The following UBL3 variants were observed in gnomAD, a reference collection of about 807,000 sequenced individuals.
UBL3 encodes the protein ubiquitin like 3, also known as ubiquitin-like protein 3.
In UBL3, 6 loss-of-function variants were observed where a neutral mutation model predicts 18.4. That is an observed-to-expected ratio of 0.33 (90% CI 0.18 to 0.64). UBL3 has a LOEUF of 0.64. UBL3 is among the 30% of genes least tolerant of loss of function. The pLI is 0.76. For synonymous variants in UBL3, 49 were observed against 46.6 expected (o/e 1.05, Z -0.21); for missense variants, 109 against 142.9 (o/e 0.76, Z 1.21).
At chr13:29,792,236 AACC>A (rs559812205) in intron 1 of UBL3, among the ~76,000 whole-genome samples, 230 of 152,330 alleles carry the variant, frequency 1.5e-3, no homozygotes, top group African/African-American at 5.1e-3. Context: ...CTTCGTGTAT[AACC>A]ACCAAGTGGA....
At chr13:29,784,540 T>A (rs115517433) in intron 1 of UBL3, among the ~76,000 whole-genome samples, 1 of 151,268 alleles carries the variant, frequency 6.6e-6, no homozygotes, top group Non-Finnish European at 1.5e-5. Flanking sequence ...GTGGGAAAGG[T>A]ATTAGACCCT....
intron 1 of UBL3, among the ~76,000 whole-genome samples, chr13:29,841,928 G>T (rs1879110781): frequency 6.6e-6 from 1 of 152,076 alleles, no homozygotes; most frequent in Non-Finnish European, 1.5e-5. Context: ...GCTCCAAAAT[G>T]ACCAACAATC....
chr13:29,840,738 G>C (rs955780264), intron 1 of UBL3, among the ~76,000 whole-genome samples: 1 of 152,106 alleles, frequency 6.6e-6, no homozygotes, highest in African/African-American at 2.4e-5. Flanking sequence ...TAAGAGTTTT[G>C]TCCTAAGGGA....
chr13:29,768,284 C>A (rs1424484029), intron 3 of UBL3, among the ~76,000 whole-genome samples: 1 of 152,012 alleles, frequency 6.6e-6, no homozygotes, highest in African/African-American at 2.4e-5. Context: ...CATTTTTTCA[C>A]TCATAAATTT....
intron 1 of UBL3, among the ~76,000 whole-genome samples, chr13:29,789,832 T>C (rs1456188446): frequency 6.6e-6 from 1 of 152,244 alleles, no homozygotes; most frequent in African/African-American, 2.4e-5. Flanking sequence ...TAAAATAATC[T>C]ACTTATTGTT....
intron 1 of UBL3, among the ~76,000 whole-genome samples, chr13:29,801,527 C>T (rs1877765732): frequency 6.6e-6 from 1 of 152,132 alleles, no homozygotes; most frequent in Non-Finnish European, 1.5e-5. Flanking sequence ...CAAGCTTGGG[C>T]CAGCAGTGCA....
chr13:29,842,849 C>G (rs956738389), intron 1 of UBL3, among the ~76,000 whole-genome samples: 1 of 152,152 alleles, frequency 6.6e-6, no homozygotes, highest in Non-Finnish European at 1.5e-5. Flanking sequence ...TTCTAAGCAA[C>G]CAAAACAGAT....
At position 29,849,438 on chromosome 13, in the gene UBL3, C is replaced by T. The variant is rs141771659; in HGVS notation, c.27+74G>A. 379 of 1,604,478 alleles carry T rather than the reference C, an allele frequency of 2.4e-4. 2 individuals carry two copies. In the East Asian group the frequency reaches 6.1e-3, roughly 26 times the overall value. On this transcript the variant is annotated intron_variant, in intron 1 of 4. Coordinates refer to ENST00000380680, the MANE Select transcript of UBL3 (RefSeq NM_007106.4). ...CAGTCCCCAGCAAATCTTCGCCCCA[C>T]GCCTGCCGTCTTTCCGATTAAATAA...
intron 1 of UBL3, among the ~76,000 whole-genome samples, chr13:29,832,756 T>C (rs1002334304): frequency 3.9e-5 from 6 of 152,226 alleles, no homozygotes; most frequent in Non-Finnish European, 7.3e-5. Flanking sequence ...CTCTGGCTAC[T>C]TTTCCTTGGT....
intron 1 of UBL3, among the ~76,000 whole-genome samples, chr13:29,792,221 G>A (rs1451633128): frequency 3.9e-5 from 6 of 152,064 alleles, no homozygotes; most frequent in Non-Finnish European, 8.8e-5. Flanking sequence ...ACATGTAACT[G>A]GACACTTCGT....
rs892601893 is a variant in UBL3 at position 29,837,519 on chromosome 13, C to T, written c.27+11993G>A. On this transcript the variant is annotated intron_variant, in intron 1 of 4. Coordinates refer to ENST00000380680, the MANE Select transcript of UBL3 (RefSeq NM_007106.4). Reference sequence around the variant, plus strand: ...AAACAGTGACATGACCTAACATACACGTAATTGTAGTCCCATAAGGAAAGA... The same window carrying T: ...AAACAGTGACATGACCTAACATACATGTAATTGTAGTCCCATAAGGAAAGA... 2.0e-5 allele frequency among the ~76,000 whole-genome samples: 3 copies of T among 152,218 alleles called. No individual in the cohort carries two copies. In the East Asian group the frequency reaches 5.8e-4, roughly 29 times the overall value.
At chr13:29,784,372 TCTC>T (rs1565991184) in intron 1 of UBL3, among the ~76,000 whole-genome samples, 1 of 151,758 alleles carries the variant, frequency 6.6e-6, no homozygotes, top group Non-Finnish European at 1.5e-5. Flanking sequence ...AATTCCCACT[TCTC>T]CTCTGAGAAT....
chr13:29,834,109 C>T (rs1326898633), intron 1 of UBL3, among the ~76,000 whole-genome samples: 1 of 151,564 alleles, frequency 6.6e-6, no homozygotes, highest in Admixed American at 6.6e-5. Flanking sequence ...ATCACTTGAA[C>T]CCAGGAGCTT....
intron 1 of UBL3, among the ~76,000 whole-genome samples, chr13:29,827,184 G>A (rs966983799): frequency 1.3e-5 from 2 of 152,212 alleles, no homozygotes; most frequent in Non-Finnish European, 2.9e-5. Flanking sequence ...GGAGAGTTCT[G>A]TAGATGTCTA....
chr13:29,837,193 C>T (rs992840265), intron 1 of UBL3, among the ~76,000 whole-genome samples: 1 of 152,134 alleles, frequency 6.6e-6, no homozygotes, highest in African/African-American at 2.4e-5. Flanking sequence ...AAAACATTGC[C>T]AGGCACCCAA....
intron 1 of UBL3, among the ~76,000 whole-genome samples, chr13:29,835,182 A>C (rs190472721): frequency 0.026 from 2,274 of 87,144 alleles, 186 homozygotes; most frequent in African/African-American, 0.075. Context: ...ATATATATAT[A>C]TATCTCCACC....
intron 1 of UBL3, among the ~76,000 whole-genome samples, chr13:29,835,111 T>TATATAAATATATATAA (rs1878900156): frequency 3.7e-4 from 9 of 24,216 alleles, no homozygotes; most frequent in Admixed American, 6.1e-4. Context: ...TATATAAATA[T>TATATAAATATATATAA]ATATATATAT....
At position 29,772,179 on chromosome 13, in the gene UBL3, G is replaced by A; in HGVS notation, c.156C>T (p.Val52=). The change falls in exon 3 of 5, where the codon GTC becomes GTT. Residue 52 remains valine (V), a synonymous_variant. Transcript: ENST00000380680. ...TAAGTCGTAGAATATTTGGACTGCT[G>A]ACCTGCTCTTCTTCCCAGTCTGAAA... ...NWPMDWEEEQ[V]SSPNILRLIY... The A allele has an allele frequency of 6.2e-7, 1 of 1,611,774 alleles. No homozygotes were observed. The highest frequency in any genetic ancestry group is 8.5e-7 in the Non-Finnish European group (1 of 1,178,626).
At chr13:29,829,365 T>C (rs1464591053) in intron 1 of UBL3, among the ~76,000 whole-genome samples, 1 of 152,214 alleles carries the variant, frequency 6.6e-6, no homozygotes, top group African/African-American at 2.4e-5. Flanking sequence ...CCGCTTTGTT[T>C]ACCTACTCAA....
Sources: allele counts gnomAD v4.1 joint callset (sites outside exome capture counted in the v4.1 genomes callset), GRCh38; gene constraint gnomAD v4.1.1; transcripts MANE v1.5; gene names NCBI Gene and HGNC (gene_info 2026-07-23, HGNC 2026-07-21).